The following RELN variants were observed in gnomAD, a reference collection of about 807,000 sequenced individuals.
RELN encodes reelin.
RELN carries 108 observed loss-of-function variants against 427.6 expected under a neutral mutation model. The ratio of observed to expected loss-of-function variants is 0.25; its 90% CI spans 0.22 to 0.30. RELN has a LOEUF of 0.30. Ranked by LOEUF, RELN falls within the 10% of genes least tolerant of loss-of-function variation. RELN has a pLI of 1.00. For missense variants in RELN, 3,715 were observed against 4,302.8 expected (o/e 0.86, Z 3.82); for synonymous variants, 1,524 against 1,513.4 (o/e 1.01, Z -0.16).
At chr7:103,847,933 C>T (rs773229978) in intron 2 of RELN, among the ~76,000 whole-genome samples, 61 of 151,636 alleles carry the variant, frequency 4.0e-4, no homozygotes, top group Middle Eastern at 3.4e-3. Flanking sequence ...AGCATGTTGC[C>T]GTTAGTTTCA....
At chr7:103,825,441 T>C (rs1009985950) in intron 3 of RELN, among the ~76,000 whole-genome samples, 1 of 152,088 alleles carries the variant, frequency 6.6e-6, no homozygotes, top group African/African-American at 2.4e-5. Context: ...CACTGGCAAA[T>C]AAAACTAAAA....
chr7:103,837,420 T>C (rs1440653424), intron 2 of RELN, among the ~76,000 whole-genome samples: 3 of 152,186 alleles, frequency 2.0e-5, no homozygotes, highest in South Asian at 2.1e-4. Context: ...TCTCAAGCAC[T>C]AGTGGCTGAG....
chr7:103,936,099 C>CTTTTTTT (rs57827486), intron 1 of RELN, among the ~76,000 whole-genome samples: 11 of 143,050 alleles, frequency 7.7e-5, no homozygotes, highest in South Asian at 4.4e-4. Context: ...GCTTCAATGG[C>CTTTTTTT]TTTTTTTTTT....
intron 2 of RELN, among the ~76,000 whole-genome samples, chr7:103,856,234 G>A (rs766533133): frequency 2.0e-5 from 3 of 151,938 alleles, no homozygotes; most frequent in Non-Finnish European, 2.9e-5. Context: ...AACGGGGGAG[G>A]GGCAAACTGG....
At chr7:103,613,823 A>T (rs1832020804) in intron 20 of RELN, among the ~76,000 whole-genome samples, 1 of 152,226 alleles carries the variant, frequency 6.6e-6, no homozygotes, top group Non-Finnish European at 1.5e-5. Context: ...CACACCATGA[A>T]CAGTATTTCC....
intron 2 of RELN, among the ~76,000 whole-genome samples, chr7:103,899,691 C>G (rs57876890): frequency 2.0e-5 from 3 of 151,944 alleles, no homozygotes; most frequent in Non-Finnish European, 4.4e-5. Context: ...ACAGAACCAA[C>G]GACAAAAACC....
At chr7:103,630,547 T>C (rs362645) in intron 19 of RELN, among the ~76,000 whole-genome samples, 63 of 152,176 alleles carry the variant, frequency 4.1e-4, no homozygotes, top group African/African-American at 1.4e-3. Context: ...TGTGAGGTCA[T>C]CTGCTGTGTC....
intron 2 of RELN, among the ~76,000 whole-genome samples, chr7:103,904,472 A>G (rs187384273): frequency 1.3e-5 from 2 of 152,268 alleles, no homozygotes; most frequent in Admixed American, 1.3e-4. Flanking sequence ...ATTCCCACCA[A>G]CAGTGTAAAA....
chr7:103,497,886 T>C lies in RELN; in HGVS notation c.8884A>G (p.Met2962Val), dbSNP rs772961648. Residue 2962 changes from methionine (M) to valine (V), a missense_variant, in exon 55 of 65, where the codon ATG becomes GTG. Transcript: ENST00000428762. ...CAGATGGGACGATGGCAAGAGGTCA[T>C]GTTGTTCTCACTACCGATGCGCCCC... Reference protein sequence around the residue: ...YWGRIGSENNMTSCHRPICRK... With the variant: ...YWGRIGSENNVTSCHRPICRK... The C allele has an allele frequency of 6.8e-6, 11 of 1,614,164 alleles. No individual in the cohort carries two copies. Among genetic ancestry groups the C allele is most frequent in the Admixed American group, 6.7e-5 (4 of 60,014 alleles).
intron 42 of RELN, among the ~76,000 whole-genome samples, 156 bp downstream of exon 42, chr7:103,544,968 C>T (rs1232520218): frequency 1.3e-5 from 2 of 151,944 alleles, no homozygotes; most frequent in East Asian, 1.9e-4. Context: ...AAAATGGAAC[C>T]CTATAAATTC....
intron 3 of RELN, among the ~76,000 whole-genome samples, chr7:103,817,015 C>G (rs1194911152): frequency 1.3e-5 from 2 of 152,044 alleles, no homozygotes; most frequent in Admixed American, 6.6e-5. Context: ...CCATGCCTCG[C>G]TGATTTTTGT....
intron 3 of RELN, among the ~76,000 whole-genome samples, chr7:103,798,511 G>A (rs1207722050): frequency 1.3e-5 from 2 of 152,126 alleles, no homozygotes; most frequent in Non-Finnish European, 2.9e-5. Flanking sequence ...ATAAGGCCAG[G>A]AAGAAGAATA....
intron 1 of RELN, among the ~76,000 whole-genome samples, chr7:103,971,152 C>CAAAAA (rs559162833): frequency 1.2e-5 from 1 of 81,276 alleles, no homozygotes; most frequent in African/African-American, 3.6e-5. Flanking sequence ...GACTCTATCT[C>CAAAAA]AAAAAAAAAA....
intron 2 of RELN, among the ~76,000 whole-genome samples, chr7:103,901,351 C>G (rs1230622404): frequency 1.4e-4 from 21 of 151,894 alleles, no homozygotes; most frequent in Admixed American, 1.4e-3. Context: ...TTTGGCAGTT[C>G]TTCAAAAAAT....
At chr7:103,606,398 C>T (rs1165435006) in intron 22 of RELN, among the ~76,000 whole-genome samples, 2 of 152,096 alleles carry the variant, frequency 1.3e-5, no homozygotes, top group Non-Finnish European at 2.9e-5. Flanking sequence ...GGGGACAAGG[C>T]CCCCAGGACC....
chr7:103,645,510 T>G (rs1262848748), intron 16 of RELN, among the ~76,000 whole-genome samples: 2 of 151,242 alleles, frequency 1.3e-5, no homozygotes, highest in African/African-American at 2.4e-5. Context: ...AGACTTTAAA[T>G]CAACAAGAAA....
At chr7:103,843,577 A>T (rs1448785075) in intron 2 of RELN, among the ~76,000 whole-genome samples, 2 of 152,240 alleles carry the variant, frequency 1.3e-5, no homozygotes, top group East Asian at 3.8e-4. Context: ...AAACAGGAAG[A>T]GAGCCCTTCC....
intron 64 of RELN, among the ~76,000 whole-genome samples, chr7:103,478,151 AT>A (rs1299100933): frequency 6.6e-6 from 1 of 152,176 alleles, no homozygotes; most frequent in Non-Finnish European, 1.5e-5. Flanking sequence ...ACTCTGGTCT[AT>A]GCTGTTGTGC....
chr7:103,749,528 G>A, intron 5 of RELN, 24 bp from the exon 6 acceptor site: 5 of 1,532,406 alleles, frequency 3.3e-6, no homozygotes, highest in Non-Finnish European at 4.5e-6. Context: ...GAAGTATTTA[G>A]GAAAGAAATA....
Sources: gnomAD v4.1 joint callset for allele counts (sites outside exome capture counted in the v4.1 genomes callset) on GRCh38, gnomAD v4.1.1 for gene constraint, MANE v1.5 for transcripts, NCBI Gene and HGNC (gene_info 2026-07-23, HGNC 2026-07-21) for gene names.